Variants in VPS13B observed in about 807,000 individuals in gnomAD.
VPS13B encodes vacuolar protein sorting 13 homolog B.
In VPS13B, 285 loss-of-function variants were observed where a neutral mutation model predicts 426.4. The ratio of observed to expected loss-of-function variants is 0.67; its 90% CI spans 0.61 to 0.74. VPS13B has a LOEUF of 0.74. Ranked by LOEUF, VPS13B falls within the 30% of genes least tolerant of loss-of-function variation. The pLI is 0.00. For missense variants in VPS13B, 4,537 were observed against 4,782.6 expected (o/e 0.95, Z 1.51); for synonymous variants, 1,676 against 1,676.4 (o/e 1.00, Z 0.01).
At chr8:99,558,737 A>T (rs1227795209) in intron 31 of VPS13B, among the ~76,000 whole-genome samples, 3 of 152,074 alleles carry the variant, frequency 2.0e-5, no homozygotes, top group Non-Finnish European at 2.9e-5. Flanking sequence ...AAGGACGTGA[A>T]CTCATCCTTT....
chr8:99,806,793 G>A (rs1364829293), intron 43 of VPS13B, among the ~76,000 whole-genome samples: 1 of 152,200 alleles, frequency 6.6e-6, no homozygotes. Flanking sequence ...GTGAAATTTA[G>A]TCAGTGGGTC....
intron 23 of VPS13B, among the ~76,000 whole-genome samples, chr8:99,460,354 T>C (rs762798157): frequency 1.3e-5 from 2 of 152,170 alleles, no homozygotes; most frequent in Non-Finnish European, 2.9e-5. Flanking sequence ...ATGGAAAATT[T>C]GTTCTAATTT....
intron 21 of VPS13B, among the ~76,000 whole-genome samples, chr8:99,415,085 C>T (rs1815921871): frequency 6.6e-6 from 1 of 152,012 alleles, no homozygotes; most frequent in Non-Finnish European, 1.5e-5. Flanking sequence ...TCCCATATTT[C>T]TTGGAGGCTT....
At chr8:99,452,585 TAA>T (rs1457532608) in intron 23 of VPS13B, among the ~76,000 whole-genome samples, 2 of 152,156 alleles carry the variant, frequency 1.3e-5, no homozygotes, top group African/African-American at 4.8e-5. Flanking sequence ...CTTAAGAAAT[TAA>T]AAAGTTACCT....
At chr8:99,038,165 AT>A (rs548330744) in intron 2 of VPS13B, among the ~76,000 whole-genome samples, 94 of 152,238 alleles carry the variant, frequency 6.2e-4, no homozygotes, top group African/African-American at 2.1e-3. Context: ...ATTGTTATTT[AT>A]CATTAACTAT....
At chr8:99,126,860 A>G in intron 8 of VPS13B, among the ~76,000 whole-genome samples, 1 of 152,152 alleles carries the variant, frequency 6.6e-6, no homozygotes, top group East Asian at 1.9e-4. Flanking sequence ...TTAGGAGGCC[A>G]AAGCAGGCGG....
chr8:99,560,029 C>A (rs1824818861), intron 31 of VPS13B, among the ~76,000 whole-genome samples: 1 of 152,094 alleles, frequency 6.6e-6, no homozygotes, highest in African/African-American at 2.4e-5. Context: ...TTGATTCTTC[C>A]TATCTGTGAG....
At chr8:99,128,555 C>T (rs772539728) in intron 8 of VPS13B, among the ~76,000 whole-genome samples, 4 of 151,916 alleles carry the variant, frequency 2.6e-5, no homozygotes, top group African/African-American at 7.3e-5. Flanking sequence ...TTTCAGTTTA[C>T]AAAAATTTAT....
chr8:99,209,252 C>T (rs1420833024), intron 17 of VPS13B, among the ~76,000 whole-genome samples: 1 of 148,676 alleles, frequency 6.7e-6, no homozygotes, highest in East Asian at 2.0e-4. Context: ...GCACTCCATC[C>T]AGCCTGGTGA....
At chr8:99,621,820 C>CTTTTTT (rs749078781) in intron 33 of VPS13B, among the ~76,000 whole-genome samples, 53 of 83,230 alleles carry the variant, frequency 6.4e-4, no homozygotes, top group Non-Finnish European at 8.1e-4. Flanking sequence ...TGTTTTGTTT[C>CTTTTTT]TTTTTTTTTT....
intron 31 of VPS13B, among the ~76,000 whole-genome samples, chr8:99,560,024 T>C (rs1489811021): frequency 6.6e-6 from 1 of 152,220 alleles, no homozygotes; most frequent in Non-Finnish European, 1.5e-5. Context: ...TGATATTGAT[T>C]CTTCCTATCT....
intron 19 of VPS13B, among the ~76,000 whole-genome samples, chr8:99,335,739 A>C (rs1228565547): frequency 1.3e-5 from 2 of 152,184 alleles, no homozygotes; most frequent in Non-Finnish European, 2.9e-5. Context: ...CAGAGAGCCA[A>C]ATCATGAGTG....
At chr8:99,767,024 C>A in intron 40 of VPS13B, 54 bp downstream of exon 40, 1 of 1,567,044 alleles carries the variant, frequency 6.4e-7, no homozygotes, top group South Asian at 1.1e-5. Context: ...AATGATAAGT[C>A]ATCTTTTCCT....
At chr8:99,319,308 A>G (rs934292024) in intron 19 of VPS13B, among the ~76,000 whole-genome samples, 2 of 152,196 alleles carry the variant, frequency 1.3e-5, no homozygotes, top group African/African-American at 4.8e-5. Flanking sequence ...AATGGTAAAC[A>G]TGTCTTTGTC....
intron 39 of VPS13B, among the ~76,000 whole-genome samples, chr8:99,748,666 A>G (rs1810215688): frequency 6.6e-6 from 1 of 152,072 alleles, no homozygotes; most frequent in African/African-American, 2.4e-5. Context: ...GGTATATGTC[A>G]CATATGTGCT....
chr8:99,267,168 C>T (rs967999329), intron 17 of VPS13B, among the ~76,000 whole-genome samples: 2 of 152,174 alleles, frequency 1.3e-5, no homozygotes, highest in African/African-American at 4.8e-5. Flanking sequence ...GACTAAAATG[C>T]TGACAGTGAT....
chr8:99,556,503 G>A lies in VPS13B; in HGVS notation c.4799G>A (p.Arg1600Lys). The A allele has an allele frequency of 6.2e-7, 1 of 1,613,104 alleles. No individual in the cohort carries two copies. The highest frequency in any genetic ancestry group is 2.2e-5 in the East Asian group (1 of 44,828). ...GATCCTGGATCAGAAATCGAAGACAGACAATACCAAATAGATCTGCAGTCC... is the reference window on the plus strand; with the variant it reads ...GATCCTGGATCAGAAATCGAAGACAAACAATACCAAATAGATCTGCAGTCC... ...LRDPGSEIED[R>K]QYQIDLQSIN... The change falls in exon 31 of 62, where the codon AGA (arginine) becomes AAA (lysine). Residue 1600 changes from arginine to lysine, a missense_variant. Transcript: ENST00000357162.
intron 39 of VPS13B, among the ~76,000 whole-genome samples, chr8:99,733,150 G>A (rs568265928): frequency 1.3e-5 from 2 of 152,230 alleles, no homozygotes; most frequent in Middle Eastern, 3.4e-3. Context: ...TTTATGACTT[G>A]GTCTCTGTCA....
At chr8:99,404,035 G>A (rs1005107406) in intron 21 of VPS13B, among the ~76,000 whole-genome samples, 1 of 152,112 alleles carries the variant, frequency 6.6e-6, no homozygotes, top group Admixed American at 6.5e-5. Context: ...TGTTTTTGTT[G>A]TGTGCAGTTT....
Sources: gnomAD v4.1 joint callset for allele counts (sites outside exome capture counted in the v4.1 genomes callset) on GRCh38, gnomAD v4.1.1 for gene constraint, MANE v1.5 for transcripts, NCBI Gene and HGNC (gene_info 2026-07-23, HGNC 2026-07-21) for gene names.